Variants in MAP2K6 observed in about 807,000 individuals in gnomAD.
MAP2K6 encodes dual specificity mitogen-activated protein kinase kinase 6.
Under a neutral mutation model 53.7 loss-of-function variants are expected in MAP2K6, and 16 were observed. That is an observed-to-expected ratio of 0.30 (90% CI 0.20 to 0.45). The LOEUF (loss-of-function observed/expected upper bound fraction) is 0.45, where lower values mean the gene tolerates loss of function less well. Among genes scored for constraint, MAP2K6 ranks in the 20% least tolerant of loss-of-function variants. MAP2K6 has a pLI of 1.00. For synonymous variants in MAP2K6, 132 were observed against 143.1 expected, an observed-to-expected ratio of 0.92 and a Z score of 0.55; for missense variants, 204 against 411.9, an observed-to-expected ratio of 0.50 and a Z score of 4.37.
At chr17:69,533,282 T>A (rs1159477731) in intron 10 of MAP2K6, among the ~76,000 whole-genome samples, 1 of 152,078 alleles carries the variant, frequency 6.6e-6, no homozygotes, top group South Asian at 2.1e-4. Context: ...AGATAAGATA[T>A]CCTGACTCAA....
At chr17:69,517,308 G>A (rs992032401) in intron 3 of MAP2K6, among the ~76,000 whole-genome samples, 192 bp from the exon 4 acceptor site, 3 of 152,046 alleles carry the variant, frequency 2.0e-5, no homozygotes, top group African/African-American at 7.2e-5. Flanking sequence ...GTGGGCTACC[G>A]TGGGAGCTCC....
intron 1 of MAP2K6, among the ~76,000 whole-genome samples, chr17:69,486,402 G>A (rs1324900660): frequency 1.3e-5 from 2 of 152,166 alleles, no homozygotes; most frequent in Admixed American, 1.3e-4. Flanking sequence ...TTGGTTAAGT[G>A]TGTTCATTTC....
Position 69,521,077 on chromosome 17 carries a change from G to T in MAP2K6, c.512G>T (p.Ser171Ile). 6.2e-7 allele frequency: 1 copy of T among 1,609,660 alleles called. No homozygotes were observed. The highest frequency in any genetic ancestry group is 1.3e-5 in the African/African-American group (1 of 74,794). Residue 171 changes from serine to isoleucine, a missense_variant, in exon 7 of 12, where the codon AGT (serine) becomes ATT (isoleucine). Around this residue, in one of 3 missense-constraint regions of MAP2K6, gnomAD observed 129 missense variants for 247.1 expected, o/e 0.52. Coordinates refer to ENST00000590474, the MANE Select transcript of MAP2K6 (RefSeq NM_002758.4). ...SIVKALEHLH[S>I]KLSVIHRDVK... is the part of the protein sequence containing the mutation. ...GTAAAAGCATTAGAACATTTACATA[G>T]TAAGCTGTCTGTCATTCACAGAGGT...
chr17:69,524,870 C>G (rs201962430), intron 8 of MAP2K6, 31 bp from the exon 9 acceptor site: 1 of 1,542,038 alleles, frequency 6.5e-7, no homozygotes, highest in Non-Finnish European at 9.0e-7. Flanking sequence ...AATTGTCTTC[C>G]CAGTTTCTCA....
chr17:69,493,409 T>C (rs2145205364), intron 1 of MAP2K6, among the ~76,000 whole-genome samples: 1 of 152,182 alleles, frequency 6.6e-6, no homozygotes, highest in East Asian at 1.9e-4. Flanking sequence ...AACGAGCAGA[T>C]GACTTGAACA....
chr17:69,531,037 C>T (rs936717743), intron 10 of MAP2K6, among the ~76,000 whole-genome samples: 2 of 151,410 alleles, frequency 1.3e-5, no homozygotes, highest in Non-Finnish European at 2.9e-5. Context: ...GTTATTGAGA[C>T]ATAACTTCAT....
In MAP2K6 at chr17:69,541,928, A is replaced by G. The variant is rs904594059; in HGVS notation, c.*175A>G. The G allele has an allele frequency of 1.6e-5, 8 of 502,254 alleles. No individual in the cohort carries two copies. The highest frequency in any genetic ancestry group is 3.9e-5 in the African/African-American group (2 of 50,830). The allele number at this position is 502,254 out of a possible 1,614,324, so 31.1% of individuals were successfully genotyped here. ...CCCTCTTAAGGGGGCCTTGGAATCT[A>G]TAGTATAGAATGAACTGTCTAGATG... On this transcript the variant is annotated 3_prime_UTR_variant, in exon 12 of 12. Transcript: ENST00000590474.
chr17:69,454,804 T>C (rs1282791275), intron 1 of MAP2K6, among the ~76,000 whole-genome samples: 1 of 152,188 alleles, frequency 6.6e-6, no homozygotes, highest in Non-Finnish European at 1.5e-5. Flanking sequence ...TTGATAAAAA[T>C]ATGTGGAAAT....
At chr17:69,428,931 AACAC>A (rs140138538) in intron 1 of MAP2K6, among the ~76,000 whole-genome samples, 74 of 137,316 alleles carry the variant, frequency 5.4e-4, no homozygotes, top group Non-Finnish European at 7.3e-4. Context: ...TAAATTAGAG[AACAC>A]ACACACACAC....
intron 1 of MAP2K6, among the ~76,000 whole-genome samples, chr17:69,445,391 T>C (rs1305831853): frequency 6.6e-6 from 1 of 152,236 alleles, no homozygotes; most frequent in Non-Finnish European, 1.5e-5. Context: ...GTCAGTAAGC[T>C]AATTCTGGTT....
At chr17:69,483,826 C>T (rs1908430932) in intron 1 of MAP2K6, among the ~76,000 whole-genome samples, 1 of 151,976 alleles carries the variant, frequency 6.6e-6, no homozygotes, top group Non-Finnish European at 1.5e-5. Flanking sequence ...GACAAGAGTG[C>T]CAAGACAATT....
intron 1 of MAP2K6, among the ~76,000 whole-genome samples, chr17:69,417,095 A>T (rs1213502498): frequency 6.6e-6 from 1 of 152,182 alleles, no homozygotes; most frequent in African/African-American, 2.4e-5. Flanking sequence ...TCTGGAATGA[A>T]CATGGGGTTC....
At chr17:69,495,868 C>T (rs530243851) in intron 1 of MAP2K6, among the ~76,000 whole-genome samples, 15 of 152,278 alleles carry the variant, frequency 9.9e-5, no homozygotes, top group African/African-American at 3.6e-4. Flanking sequence ...CTTATGACTA[C>T]ATTTCCTTGC....
chr17:69,429,306 C>T (rs899192297), intron 1 of MAP2K6, among the ~76,000 whole-genome samples: 14 of 150,582 alleles, frequency 9.3e-5, no homozygotes, highest in African/African-American at 3.2e-4. Flanking sequence ...AAAAATTAGC[C>T]GGGCATGGTG....
rs549338840 is a variant in MAP2K6, at chr17:69,509,527, C to T, written c.83+3681C>T. ...TAGTTCTAGAAGCTTGTCATCGAAT[C>T]GTTAGGGTTTTCTATATAAACAGTC... On this transcript the variant is annotated intron_variant, in intron 2 of 11. Coordinates refer to ENST00000590474, the MANE Select transcript of MAP2K6 (RefSeq NM_002758.4). 9.2e-5 allele frequency among the ~76,000 whole-genome samples: 14 copies of T among 152,194 alleles called. No individual in the cohort carries two copies. In the South Asian group the frequency reaches 2.1e-3, roughly 23 times the overall value.
intron 2 of MAP2K6, among the ~76,000 whole-genome samples, chr17:69,513,761 C>G (rs1262304575): frequency 6.6e-6 from 1 of 151,948 alleles, no homozygotes; most frequent in Non-Finnish European, 1.5e-5. Flanking sequence ...TTTCGATAAC[C>G]TCATTGGATG....
intron 10 of MAP2K6, 78 bp from the exon 11 acceptor site, chr17:69,536,037 T>G: frequency 3.3e-6 from 3 of 918,400 alleles, no homozygotes; most frequent in Non-Finnish European, 5.4e-6. Flanking sequence ...TGTTTAGTGT[T>G]CTACAGGTTC....
At chr17:69,444,221 G>A (rs994403749) in intron 1 of MAP2K6, among the ~76,000 whole-genome samples, 1 of 152,112 alleles carries the variant, frequency 6.6e-6, no homozygotes, top group Admixed American at 6.5e-5. Context: ...GTGGTTCACT[G>A]TGTGATATAT....
At chr17:69,434,955 A>G (rs767826830) in intron 1 of MAP2K6, 2 of 152,218 alleles carry the variant, frequency 1.3e-5, no homozygotes, top group Non-Finnish European at 1.5e-5. Flanking sequence ...ATACAGAGAT[A>G]GGGTACAAAA....
Sources: gnomAD v4.1 joint callset for allele counts (sites outside exome capture counted in the v4.1 genomes callset) on GRCh38, gnomAD v4.1.1 for gene constraint, gnomAD v4.1.1 regional missense constraint, MANE v1.5 for transcripts, NCBI Gene and HGNC (gene_info 2026-07-23, HGNC 2026-07-21) for gene names.